The following CAMK2D variants were observed in gnomAD, a reference collection of about 807,000 sequenced individuals.
CAMK2D encodes the protein calcium/calmodulin dependent protein kinase II delta, also known as calcium/calmodulin-dependent protein kinase type II subunit delta.
Under a neutral mutation model 84.0 loss-of-function variants are expected in CAMK2D, and 37 were observed. That is an observed-to-expected ratio of 0.44 (90% CI 0.34 to 0.58). The LOEUF (loss-of-function observed/expected upper bound fraction) is 0.58. Ranked by LOEUF, CAMK2D falls within the 20% of genes least tolerant of loss-of-function variation. The probability of loss-of-function intolerance (pLI) is 0.02; values close to 1 mark genes in which losing one functional copy is unlikely to be tolerated. For synonymous variants in CAMK2D, 202 were observed against 212.5 expected, an observed-to-expected ratio of 0.95 and a Z score of 0.43; for missense variants, 448 against 652.5, an observed-to-expected ratio of 0.69 and a Z score of 3.41.
intron 3 of CAMK2D, among the ~76,000 whole-genome samples, chr4:113,650,368 A>C (rs1358933021): frequency 6.6e-6 from 1 of 150,596 alleles, no homozygotes; most frequent in Non-Finnish European, 1.5e-5. Flanking sequence ...AAATACAAAA[A>C]TAGCCAGGCA....
intron 7 of CAMK2D, among the ~76,000 whole-genome samples, chr4:113,533,181 G>A (rs997362475): frequency 9.9e-5 from 15 of 151,912 alleles, no homozygotes; most frequent in Non-Finnish European, 2.2e-4. Context: ...ACCTCTTCTG[G>A]AGACTAAAAT....
intron 16 of CAMK2D, among the ~76,000 whole-genome samples, chr4:113,466,910 G>T (rs936504320): frequency 6.6e-6 from 1 of 152,084 alleles, no homozygotes; most frequent in Non-Finnish European, 1.5e-5. Flanking sequence ...ACTGTGTAAT[G>T]TGTCTTCCTT....
At chr4:113,607,174 T>C (rs1481090422) in intron 4 of CAMK2D, among the ~76,000 whole-genome samples, 2 of 150,998 alleles carry the variant, frequency 1.3e-5, no homozygotes, top group African/African-American at 4.9e-5. Flanking sequence ...GACTCAAACA[T>C]TGGAAAGGAA....
chr4:113,628,442 A>G (rs2154282738), intron 3 of CAMK2D, among the ~76,000 whole-genome samples: 1 of 152,288 alleles, frequency 6.6e-6, no homozygotes, highest in South Asian at 2.1e-4. Context: ...TTATATTTAA[A>G]AATGCGCAGT....
chr4:113,617,758 C>T (rs532684421), intron 3 of CAMK2D, among the ~76,000 whole-genome samples: 1 of 151,918 alleles, frequency 6.6e-6, no homozygotes, highest in African/African-American at 2.4e-5. Flanking sequence ...ACCTCAGCCT[C>T]CAGAATAGCT....
chr4:113,477,697 G>A (rs1022859029), intron 16 of CAMK2D, among the ~76,000 whole-genome samples: 3 of 141,542 alleles, frequency 2.1e-5, no homozygotes, highest in Non-Finnish European at 4.5e-5. Context: ...AGTGAGCCGA[G>A]ATTGTGCCAC....
chr4:113,735,670 A>T (rs2099579730), intron 2 of CAMK2D, among the ~76,000 whole-genome samples: 1 of 152,210 alleles, frequency 6.6e-6, no homozygotes, highest in Non-Finnish European at 1.5e-5. Context: ...TCAAAAAATT[A>T]AAACATACTC....
chr4:113,758,374 C>T (rs1420539280), intron 2 of CAMK2D, among the ~76,000 whole-genome samples: 2 of 151,930 alleles, frequency 1.3e-5, no homozygotes, highest in Non-Finnish European at 1.5e-5. Flanking sequence ...TGGCAGAGAC[C>T]GAAAGCAATG....
chr4:113,459,948 A>G (rs2097353008), intron 18 of CAMK2D, among the ~76,000 whole-genome samples, 199 bp downstream of exon 18: 1 of 152,086 alleles, frequency 6.6e-6, no homozygotes, highest in Admixed American at 6.6e-5. Flanking sequence ...TTACAAAGAT[A>G]TTTTTTAAAA....
intron 16 of CAMK2D, among the ~76,000 whole-genome samples, chr4:113,497,342 T>C (rs2097950835): frequency 1.3e-5 from 2 of 152,274 alleles, no homozygotes; most frequent in South Asian, 4.1e-4. Context: ...TCAATAAATA[T>C]TTGCTGAATG....
At chr4:113,684,539 G>C (rs760182331) in intron 2 of CAMK2D, among the ~76,000 whole-genome samples, 15 of 152,098 alleles carry the variant, frequency 9.9e-5, no homozygotes, top group Non-Finnish European at 1.5e-4. Flanking sequence ...GTGTAACAGA[G>C]GACTTGCTCA....
chr4:113,519,492 A>C (rs76712857), intron 8 of CAMK2D, among the ~76,000 whole-genome samples: 1 of 150,696 alleles, frequency 6.6e-6, no homozygotes, highest in South Asian at 2.1e-4. Flanking sequence ...TGTGAAGATT[A>C]AAAAAAACAC....
intron 8 of CAMK2D, among the ~76,000 whole-genome samples, chr4:113,522,626 T>G (rs2098376307): frequency 6.6e-6 from 1 of 152,134 alleles, no homozygotes; most frequent in Non-Finnish European, 1.5e-5. Flanking sequence ...CTGTACTGTG[T>G]ATGGGGTGGG....
chr4:113,656,434 C>G (rs2099200763), intron 3 of CAMK2D, among the ~76,000 whole-genome samples: 1 of 152,144 alleles, frequency 6.6e-6, no homozygotes, highest in African/African-American at 2.4e-5. Flanking sequence ...AGACTAGATT[C>G]TGATATCCTG....
Position 113,508,340 on chromosome 4 carries a change from T to C in CAMK2D, c.984+1298A>G, listed in dbSNP as rs924638646. On this transcript the variant is annotated intron_variant, in intron 13 of 20. Coordinates refer to ENST00000511664, the MANE Select transcript of CAMK2D (RefSeq NM_001321571.2). ...CGGTTGAATTTAGAGTATCAAAGCA[T>C]GGAGTATAGAATAATTTTGTTTTTA... The C allele has an allele frequency of 7.3e-6, 8 of 1,099,246 alleles. No homozygotes were observed. In the East Asian group the frequency reaches 1.8e-4, roughly 25 times the overall value. The allele number at this position is 1,099,246 out of a possible 1,614,324, so 68.1% of individuals were successfully genotyped here.
intron 2 of CAMK2D, among the ~76,000 whole-genome samples, chr4:113,696,193 CAG>C (rs1486620374): frequency 1.3e-4 from 7 of 52,492 alleles, no homozygotes; most frequent in South Asian, 9.6e-4. Flanking sequence ...CACAGACACA[CAG>C]ACACACACAC....
At chr4:113,670,125 T>C (rs1369521334) in intron 2 of CAMK2D, among the ~76,000 whole-genome samples, 1 of 151,754 alleles carries the variant, frequency 6.6e-6, no homozygotes, top group Non-Finnish European at 1.5e-5. Context: ...CTACAAAAAA[T>C]ACAAAAAATA....
At chr4:113,623,806 A>G (rs2099056683) in intron 3 of CAMK2D, among the ~76,000 whole-genome samples, 1 of 151,840 alleles carries the variant, frequency 6.6e-6, no homozygotes, top group South Asian at 2.1e-4. Context: ...TGAATGTACC[A>G]TTATCTATAT....
chr4:113,608,632 C>A (rs578073942), intron 4 of CAMK2D, among the ~76,000 whole-genome samples: 44 of 152,262 alleles, frequency 2.9e-4, no homozygotes, highest in Non-Finnish European at 6.0e-4. Flanking sequence ...TAAACTCCTA[C>A]CAACCATATG....
Sources: gnomAD v4.1 joint callset for allele counts (sites outside exome capture counted in the v4.1 genomes callset) on GRCh38, gnomAD v4.1.1 for gene constraint, MANE v1.5 for transcripts, NCBI Gene and HGNC (gene_info 2026-07-23, HGNC 2026-07-21) for gene names.